The following CARMIL1 variants were observed in gnomAD, a reference collection of about 807,000 sequenced individuals.
CARMIL1 encodes F-actin-uncapping protein LRRC16A.
CARMIL1 carries 90 observed loss-of-function variants against 177.1 expected under a neutral mutation model. The observed-to-expected ratio is 0.51, with a 90% CI of 0.43 to 0.61. The LOEUF is 0.61. Ranked by LOEUF, CARMIL1 falls within the 20% of genes least tolerant of loss-of-function variation. The pLI is 0.00. For synonymous variants in CARMIL1, 577 were observed against 606.2 expected, an observed-to-expected ratio of 0.95 and a Z score of 0.71; for missense variants, 1,380 against 1,667.0, an observed-to-expected ratio of 0.83 and a Z score of 3.00.
chr6:25,348,765 A>G (rs1186129585), intron 2 of CARMIL1, among the ~76,000 whole-genome samples: 3 of 152,128 alleles, frequency 2.0e-5, no homozygotes, highest in African/African-American at 4.8e-5. Flanking sequence ...CTGGTGACAG[A>G]GCTAGACTCT....
chr6:25,286,634 T>A (rs181076241), intron 2 of CARMIL1, among the ~76,000 whole-genome samples: 45 of 152,326 alleles, frequency 3.0e-4, no homozygotes, highest in African/African-American at 9.1e-4. Context: ...TTAAAGTAAG[T>A]TTTTAATAAT....
At chr6:25,427,813 T>C (rs1796406276) in intron 4 of CARMIL1, among the ~76,000 whole-genome samples, 1 of 152,326 alleles carries the variant, frequency 6.6e-6, no homozygotes, top group Middle Eastern at 3.4e-3. Flanking sequence ...ACAGAACATG[T>C]GGAGTATCTT....
chr6:25,324,237 A>T (rs949363503), intron 2 of CARMIL1, among the ~76,000 whole-genome samples: 14 of 152,196 alleles, frequency 9.2e-5, no homozygotes, highest in Non-Finnish European at 1.5e-4. Flanking sequence ...CCCTGGAGGG[A>T]CACTGCTGCA....
At chr6:25,503,018 T>C (rs1360608620) in intron 17 of CARMIL1, among the ~76,000 whole-genome samples, 1 of 152,238 alleles carries the variant, frequency 6.6e-6, no homozygotes, top group East Asian at 1.9e-4. Context: ...AACTGATATT[T>C]TGCATGTCAA....
At chr6:25,430,814 G>A (rs1351127666) in intron 4 of CARMIL1, among the ~76,000 whole-genome samples, 2 of 152,112 alleles carry the variant, frequency 1.3e-5, no homozygotes, top group African/African-American at 4.8e-5. Flanking sequence ...ATGAGCTTTG[G>A]TAGTTTGTGT....
chr6:25,527,403 G>A (rs1021127471), intron 23 of CARMIL1, among the ~76,000 whole-genome samples: 1 of 152,220 alleles, frequency 6.6e-6, no homozygotes, highest in Non-Finnish European at 1.5e-5. Flanking sequence ...CTGCCTGTGT[G>A]TGAGATGAGC....
At chr6:25,423,668 T>A (rs914344279) in intron 3 of CARMIL1, among the ~76,000 whole-genome samples, 1 of 152,092 alleles carries the variant, frequency 6.6e-6, no homozygotes, top group Non-Finnish European at 1.5e-5. Context: ...CTTATCACTT[T>A]GAGATCTGCT....
At chr6:25,530,601 T>C (rs925282655) in intron 24 of CARMIL1, among the ~76,000 whole-genome samples, 2 of 152,222 alleles carry the variant, frequency 1.3e-5, no homozygotes, top group African/African-American at 4.8e-5. Context: ...CTTCCTCGTT[T>C]GGAAGCGGAT....
chr6:25,526,908 C>T (rs964663032), intron 23 of CARMIL1, among the ~76,000 whole-genome samples: 1 of 152,084 alleles, frequency 6.6e-6, no homozygotes, highest in Non-Finnish European at 1.5e-5. Context: ...TTTATTTTAA[C>T]AGGTGGATTT....
At chr6:25,556,560 T>C in intron 28 of CARMIL1, 141 bp from the exon 29 acceptor site, 2 of 644,790 alleles carry the variant, frequency 3.1e-6, no homozygotes, top group Non-Finnish European at 5.3e-6. Context: ...TACTGTACTG[T>C]GAATGTATTA....
intron 29 of CARMIL1, chr6:25,576,956 T>A (rs961777697): frequency 1.0e-5 from 10 of 984,524 alleles, no homozygotes; most frequent in African/African-American, 3.5e-5. Flanking sequence ...ATTTTTTTTC[T>A]TTCTTTTTGC....
chr6:25,543,277 A>G (rs999737344), intron 26 of CARMIL1, among the ~76,000 whole-genome samples: 2 of 152,222 alleles, frequency 1.3e-5, no homozygotes, highest in Admixed American at 6.5e-5. Flanking sequence ...GAATAAGTTC[A>G]AATAGCTCTT....
chr6:25,459,750 T>G (rs1038423782), intron 8 of CARMIL1, among the ~76,000 whole-genome samples: 5 of 152,160 alleles, frequency 3.3e-5, no homozygotes, highest in African/African-American at 9.7e-5. Flanking sequence ...TCCTCAAGGT[T>G]TGTAGTCTTA....
chr6:25,318,195 G>A (rs564242422), intron 2 of CARMIL1, among the ~76,000 whole-genome samples: 22 of 152,226 alleles, frequency 1.4e-4, no homozygotes, highest in Middle Eastern at 3.4e-3. Flanking sequence ...ACAGCTGTGC[G>A]CACAGTGGGT....
At chr6:25,317,002 G>A (rs917784315) in intron 2 of CARMIL1, among the ~76,000 whole-genome samples, 5 of 152,176 alleles carry the variant, frequency 3.3e-5, no homozygotes, top group African/African-American at 9.7e-5. Flanking sequence ...TGAGCAGAGA[G>A]GGAATGTTTG....
intron 31 of CARMIL1, among the ~76,000 whole-genome samples, chr6:25,585,735 G>A (rs1043619101): frequency 1.3e-5 from 2 of 152,056 alleles, no homozygotes; most frequent in Non-Finnish European, 2.9e-5. Context: ...TTGAGATTAG[G>A]GAGTGGTGAT....
At chr6:25,395,201 G>A (rs772818353) in intron 2 of CARMIL1, among the ~76,000 whole-genome samples, 9 of 152,286 alleles carry the variant, frequency 5.9e-5, no homozygotes, top group Admixed American at 1.3e-4. Flanking sequence ...AAGCCCATGC[G>A]CTGTTAAGAA....
chr6:25,383,403 T>C (rs961800984), intron 2 of CARMIL1, among the ~76,000 whole-genome samples: 6 of 152,182 alleles, frequency 3.9e-5, no homozygotes, highest in African/African-American at 1.4e-4. Context: ...CATATAACAA[T>C]CCATAGAGAA....
Position 25,492,025 on chromosome 6 carries a change from G to T in CARMIL1, c.1220+1G>T. On this transcript the variant is annotated splice_donor_variant, in intron 15 of 36. Coordinates refer to ENST00000329474, the MANE Select transcript of CARMIL1 (RefSeq NM_017640.6). LOFTEE classifies it high-confidence loss of function. Reference sequence around the variant, plus strand: ...TCTCCAGAACTGTCTTCTCTCACCGGTATAGATTTATTTCTGCTCTCATTG... The same window carrying T: ...TCTCCAGAACTGTCTTCTCTCACCGTTATAGATTTATTTCTGCTCTCATTG... 6.2e-7 allele frequency: 1 copy of T among 1,611,696 alleles called. No homozygotes were observed. The highest frequency in any genetic ancestry group is 8.5e-7 in the Non-Finnish European group (1 of 1,178,444).
Sources: gnomAD v4.1 joint callset for allele counts (sites outside exome capture counted in the v4.1 genomes callset) on GRCh38, gnomAD v4.1.1 for gene constraint, MANE v1.5 for transcripts, NCBI Gene and HGNC (gene_info 2026-07-23, HGNC 2026-07-21) for gene names.